The following TMEM131L variants were observed in gnomAD, a reference collection of about 807,000 sequenced individuals.
TMEM131L encodes the protein transmembrane protein 131-like.
A neutral mutation model predicts 192.2 loss-of-function variants in TMEM131L; 54 were observed. The observed-to-expected ratio is 0.28, with a 90% CI of 0.23 to 0.35. The LOEUF (loss-of-function observed/expected upper bound fraction) is 0.35, where lower values mean the gene tolerates loss of function less well. Among genes scored for constraint, TMEM131L ranks in the 10% least tolerant of loss-of-function variants. The pLI is 1.00. For synonymous variants in TMEM131L, 701 were observed against 704.9 expected (o/e 0.99, Z 0.09); for missense variants, 1,888 against 1,972.9 (o/e 0.96, Z 0.82).
At chr4:153,474,107 C>G (rs1041697057) in intron 3 of TMEM131L, among the ~76,000 whole-genome samples, 1 of 152,216 alleles carries the variant, frequency 6.6e-6, no homozygotes, top group Non-Finnish European at 1.5e-5. Context: ...GCCCCTCCTT[C>G]GCCACTCACC....
intron 25 of TMEM131L, among the ~76,000 whole-genome samples, chr4:153,606,390 C>G (rs1172260227): frequency 2.0e-5 from 3 of 152,154 alleles, no homozygotes; most frequent in Non-Finnish European, 2.9e-5. Context: ...ATGCAATGCC[C>G]GTGGCAGTGT....
chr4:153,498,938 T>C (rs1185404332), intron 3 of TMEM131L, among the ~76,000 whole-genome samples: 3 of 152,232 alleles, frequency 2.0e-5, no homozygotes, highest in Admixed American at 6.5e-5. Context: ...CACTGCACAA[T>C]GTAGCCAATT....
At chr4:153,585,360 G>GT in intron 12 of TMEM131L, 98 bp from the exon 13 acceptor site, 1 of 1,201,250 alleles carries the variant, frequency 8.3e-7, no homozygotes, top group East Asian at 2.4e-5. Flanking sequence ...ATTTAGTAAC[G>GT]TTTTATGATG....
intron 3 of TMEM131L, among the ~76,000 whole-genome samples, chr4:153,532,494 T>C (rs1735975818): frequency 6.6e-6 from 1 of 152,124 alleles, no homozygotes; most frequent in Admixed American, 6.5e-5. Flanking sequence ...GGCATACAAT[T>C]TGCCCACTTA....
chr4:153,604,418 A>G lies in TMEM131L; in HGVS notation c.3406A>G (p.Arg1136Gly), dbSNP rs1331659316. 5 of 1,597,780 alleles carry G rather than the reference A, an allele frequency of 3.1e-6. No individual in the cohort carries two copies. The highest frequency in any genetic ancestry group is 2.2e-5 in the East Asian group (1 of 44,740). The change falls in exon 25 of 35, where the codon AGG becomes GGG. Residue 1136 changes from arginine to glycine, a missense_variant. Physicochemically the swap from Arg to Gly is moderately radical, Grantham distance 125. Coordinates refer to ENST00000409959, the MANE Select transcript of TMEM131L (RefSeq NM_001131007.2). ...CCAGCCAGACTTGCCAGAAATTTCCAGGAAAAATAATGGTAATCTTTTCAT... is the reference window on the plus strand; with the variant it reads ...CCAGCCAGACTTGCCAGAAATTTCCGGGAAAAATAATGGTAATCTTTTCAT... ...YHQPDLPEISRKNNGNNQQVP... is the reference protein window; with the variant it reads ...YHQPDLPEISGKNNGNNQQVP...
intron 3 of TMEM131L, among the ~76,000 whole-genome samples, chr4:153,489,318 T>C (rs1732597830): frequency 6.6e-6 from 1 of 152,198 alleles, no homozygotes; most frequent in African/African-American, 2.4e-5. Flanking sequence ...TTTGGACTCC[T>C]GGGCTCCAGC....
chr4:153,494,184 T>C (rs979076117), intron 3 of TMEM131L, among the ~76,000 whole-genome samples: 3 of 152,178 alleles, frequency 2.0e-5, no homozygotes, highest in Admixed American at 6.5e-5. Flanking sequence ...TGAAAGAAAC[T>C]GTTAATAGTG....
chr4:153,630,652 C>G (rs1183471104), intron 31 of TMEM131L, among the ~76,000 whole-genome samples: 2 of 152,222 alleles, frequency 1.3e-5, no homozygotes, highest in Non-Finnish European at 2.9e-5. Context: ...TCCATACCAG[C>G]CATTTCTAAC....
intron 9 of TMEM131L, among the ~76,000 whole-genome samples, chr4:153,582,639 G>A (rs1730440638): frequency 6.6e-6 from 1 of 151,916 alleles, no homozygotes; most frequent in Non-Finnish European, 1.5e-5. Flanking sequence ...GGCTGTGGTA[G>A]TGCTGGATCA....
At chr4:153,472,561 C>G (rs1731234183) in intron 2 of TMEM131L, among the ~76,000 whole-genome samples, 1 of 152,080 alleles carries the variant, frequency 6.6e-6, no homozygotes, top group African/African-American at 2.4e-5. Context: ...AAACACCTGC[C>G]CTTGTGATGC....
intron 25 of TMEM131L, among the ~76,000 whole-genome samples, chr4:153,605,442 A>G (rs1327930563): frequency 1.3e-5 from 2 of 152,214 alleles, no homozygotes; most frequent in African/African-American, 4.8e-5. Context: ...ATCTTGGCTC[A>G]CTGCAACCTC....
chr4:153,540,665 T>C (rs1456422974), intron 3 of TMEM131L, among the ~76,000 whole-genome samples: 1 of 152,278 alleles, frequency 6.6e-6, no homozygotes, highest in Non-Finnish European at 1.5e-5. Context: ...CTTTACAGTA[T>C]GAATAAGTTC....
At chr4:153,538,415 C>G (rs1478239116) in intron 3 of TMEM131L, among the ~76,000 whole-genome samples, 1 of 152,170 alleles carries the variant, frequency 6.6e-6, no homozygotes, top group East Asian at 1.9e-4. Flanking sequence ...GCCAAAGCCA[C>G]CCTAGGCCCC....
chr4:153,592,208 AT>A (rs111377061), intron 17 of TMEM131L, among the ~76,000 whole-genome samples: 16,917 of 146,292 alleles, frequency 0.12, 2,221 homozygotes, highest in African/African-American at 0.32. Context: ...ACTTTCCAGC[AT>A]TTTTTTTTTT....
intron 25 of TMEM131L, 99 bp from the exon 26 acceptor site, chr4:153,612,153 C>T (rs963052432): frequency 1.2e-6 from 1 of 806,474 alleles, no homozygotes; most frequent in African/African-American, 1.8e-5. Flanking sequence ...TTTAATTTAA[C>T]TCTCATGAAG....
Position 153,584,943 on chromosome 4 carries a change from C to T in TMEM131L, c.1157+12C>T. ...TCTGTGGCTCAGGGGTAGGTTACTT[C>T]CACTTTCCCTGAAATCTTGTATGGT... On this transcript the variant is annotated intron_variant, in intron 12 of 34. Transcript: ENST00000409959. 6.3e-7 allele frequency: 1 copy of T among 1,575,284 alleles called. No homozygotes were observed. Among genetic ancestry groups the T allele is most frequent in the Non-Finnish European group, 8.7e-7 (1 of 1,144,868 alleles).
intron 25 of TMEM131L, among the ~76,000 whole-genome samples, chr4:153,607,137 G>GT (rs1217466391): frequency 6.6e-5 from 10 of 152,264 alleles, no homozygotes; most frequent in African/African-American, 1.7e-4. Context: ...AGGGTTTGGA[G>GT]TTTTTTTAGT....
At chr4:153,564,287 CAAAAAAA>C (rs1178320668) in intron 7 of TMEM131L, among the ~76,000 whole-genome samples, 4 of 17,652 alleles carry the variant, frequency 2.3e-4, no homozygotes, top group Admixed American at 7.0e-4. Flanking sequence ...AACTCCGTCT[CAAAAAAA>C]AAAAAAAAAA....
At chr4:153,524,577 C>G (rs965241617) in intron 3 of TMEM131L, among the ~76,000 whole-genome samples, 1 of 152,084 alleles carries the variant, frequency 6.6e-6, no homozygotes, top group African/African-American at 2.4e-5. Flanking sequence ...TTTTAAGGGA[C>G]TTTGTAAAGA....
Sources: allele counts gnomAD v4.1 joint callset (sites outside exome capture counted in the v4.1 genomes callset), GRCh38; gene constraint gnomAD v4.1.1; transcripts MANE v1.5; gene names NCBI Gene and HGNC (gene_info 2026-07-23, HGNC 2026-07-21).